Variants in PDK1 observed in about 807,000 individuals in gnomAD.
The protein encoded by PDK1 is pyruvate dehydrogenase kinase 1, also known as [Pyruvate dehydrogenase (acetyl-transferring)] kinase isozyme 1, mitochondrial.
In PDK1, 39 loss-of-function variants were observed where a neutral mutation model predicts 54.2. The ratio of observed to expected loss-of-function variants is 0.72; its 90% CI spans 0.56 to 0.94. The LOEUF is 0.94. PDK1 is among the 40% of genes least tolerant of loss of function. The pLI is 0.00. For synonymous variants in PDK1, 221 were observed against 207.1 expected (o/e 1.07, Z -0.58); for missense variants, 552 against 566.0 (o/e 0.98, Z 0.25).
At chr2:172,717,567 T>C in the PDK1 span, among the ~76,000 whole-genome samples, 1 of 152,216 alleles carries the variant, frequency 6.6e-6, no homozygotes, top group Non-Finnish European at 1.5e-5. Flanking sequence ...TAATTTTCTT[T>C]TTTTGAGACA....
chr2:172,641,423 A>T, the PDK1 span, among the ~76,000 whole-genome samples: 1 of 146,584 alleles, frequency 6.8e-6, no homozygotes, highest in Non-Finnish European at 1.5e-5. Context: ...GTAAGGTGCC[A>T]CATCTGGTAA....
At chr2:172,630,685 A>G in the PDK1 span, among the ~76,000 whole-genome samples, 1 of 151,148 alleles carries the variant, frequency 6.6e-6, no homozygotes. Context: ...GCTGGAGTAC[A>G]GTGGTGCGAT....
At chr2:172,669,090 C>T in the PDK1 span, among the ~76,000 whole-genome samples, 7 of 131,398 alleles carry the variant, frequency 5.3e-5, no homozygotes, top group Non-Finnish European at 7.8e-5. Context: ...GACGGAGTCT[C>T]GCTCTGTCGC....
chr2:172,612,138 C>T (rs1375946713), downstream of PDK1, among the ~76,000 whole-genome samples: 4 of 152,216 alleles, frequency 2.6e-5, no homozygotes, highest in African/African-American at 4.8e-5. Context: ...TCCTATGGTA[C>T]GCACTTTATT....
At chr2:172,567,017 A>G in intron 6 of PDK1, 84 bp downstream of exon 6, 4 of 903,996 alleles carry the variant, frequency 4.4e-6, no homozygotes, top group Admixed American at 2.2e-5. Flanking sequence ...TTAATGGAAG[A>G]TGACTTTTTA....
At chr2:172,589,488 A>G (rs759738329) in intron 9 of PDK1, among the ~76,000 whole-genome samples, 1 of 152,190 alleles carries the variant, frequency 6.6e-6, no homozygotes, top group Admixed American at 6.5e-5. Context: ...CAGGGAAGGA[A>G]CCAGGGGAGT....
At chr2:172,690,100 A>G in the PDK1 span, among the ~76,000 whole-genome samples, 429 of 150,570 alleles carry the variant, frequency 2.8e-3, 12 homozygotes, top group African/African-American at 9.5e-3. Context: ...CAATCTACCC[A>G]TCTGACAAAG....
At chr2:172,705,166 A>G in the PDK1 span, among the ~76,000 whole-genome samples, 3 of 152,212 alleles carry the variant, frequency 2.0e-5, no homozygotes, top group Non-Finnish European at 2.9e-5. Flanking sequence ...ATTTTGTATA[A>G]AATGTACAAA....
the PDK1 span, among the ~76,000 whole-genome samples, chr2:172,632,228 T>C: frequency 1.1e-4 from 16 of 151,410 alleles, no homozygotes; most frequent in Non-Finnish European, 1.6e-4. Flanking sequence ...GATTGCATCA[T>C]TGCACTCCAC....
At chr2:172,684,921 A>G in the PDK1 span, among the ~76,000 whole-genome samples, 3 of 152,124 alleles carry the variant, frequency 2.0e-5, no homozygotes, top group Admixed American at 6.5e-5. Context: ...GTAATCCCAC[A>G]TGTCAAGGGA....
At chr2:172,668,710 C>T in the PDK1 span, among the ~76,000 whole-genome samples, 1 of 149,784 alleles carries the variant, frequency 6.7e-6, no homozygotes, top group East Asian at 2.0e-4. Flanking sequence ...TTTGTATTTC[C>T]AGCAGAAGGA....
chr2:172,619,174 G>A, the PDK1 span, among the ~76,000 whole-genome samples: 1 of 152,332 alleles, frequency 6.6e-6, no homozygotes, highest in Admixed American at 6.5e-5. Context: ...GCACTGGGGA[G>A]AGCAGGGCCT....
At chr2:172,618,343 A>G in the PDK1 span, among the ~76,000 whole-genome samples, 2 of 152,212 alleles carry the variant, frequency 1.3e-5, no homozygotes, top group Admixed American at 6.5e-5. Context: ...AAAGACAAAA[A>G]CAAGAGATCT....
chr2:172,684,077 G>C, the PDK1 span, among the ~76,000 whole-genome samples: 1 of 152,218 alleles, frequency 6.6e-6, no homozygotes, highest in African/African-American at 2.4e-5. Context: ...TTTTGATAGG[G>C]AGGAGAGAAA....
the PDK1 span, among the ~76,000 whole-genome samples, chr2:172,667,256 T>C: frequency 1.3e-5 from 2 of 151,888 alleles, no homozygotes. Context: ...GAGAGGGAAA[T>C]GTGGGAAAGG....
rs562281335 is a variant in PDK1, at chr2:172,595,776, A to G, written c.1171-53A>G. On this transcript the variant is annotated intron_variant, in intron 10 of 10. Transcript: ENST00000282077. ...TTTGCCATTGTCTATTTTCTCAAATAATGAATTCTAAAAAATGCCAGACTT... is the reference window on the plus strand; with the variant it reads ...TTTGCCATTGTCTATTTTCTCAAATGATGAATTCTAAAAAATGCCAGACTT... The G allele has an allele frequency of 1.3e-5, 19 of 1,512,246 alleles. No homozygotes were observed. The South Asian group carries it at 2.0e-4, about 16-fold the overall frequency. 93.7% of individuals were successfully genotyped at this position (1,512,246 alleles called of 1,614,324 possible). A position where few individuals can be genotyped will look rare whatever the true frequency, so the allele number is the denominator to read the frequency against.
chr2:172,682,730 G>A, the PDK1 span, among the ~76,000 whole-genome samples: 2 of 152,210 alleles, frequency 1.3e-5, no homozygotes, highest in African/African-American at 2.4e-5. Context: ...AGGTACTTTT[G>A]TTGTGGAAAT....
At chr2:172,630,926 A>G in the PDK1 span, among the ~76,000 whole-genome samples, 2 of 152,158 alleles carry the variant, frequency 1.3e-5, no homozygotes, top group African/African-American at 4.8e-5. Context: ...CACTGCGCTC[A>G]GCCACCCTCT....
intron 9 of PDK1, among the ~76,000 whole-genome samples, chr2:172,587,660 G>A (rs934603038): frequency 3.3e-5 from 5 of 149,544 alleles, no homozygotes; most frequent in African/African-American, 1.2e-4. Context: ...TGCCGCTGCT[G>A]GCTGTGGGGG....
Sources: allele counts gnomAD v4.1 joint callset (sites outside exome capture counted in the v4.1 genomes callset), GRCh38; gene constraint gnomAD v4.1.1; transcripts MANE v1.5; gene names NCBI Gene and HGNC (gene_info 2026-07-23, HGNC 2026-07-21).